Variants in SORL1 observed in about 807,000 individuals in gnomAD.
SORL1 encodes sortilin-related receptor.
In SORL1, 127 loss-of-function variants were observed where a neutral mutation model predicts 273.7. The ratio of observed to expected loss-of-function variants is 0.46; its 90% CI spans 0.40 to 0.54. The LOEUF (loss-of-function observed/expected upper bound fraction) is 0.54. Among genes scored for constraint, SORL1 ranks in the 20% least tolerant of loss-of-function variants. The pLI is 0.00. For synonymous variants in SORL1, 1,031 were observed against 1,067.4 expected, an observed-to-expected ratio of 0.97 and a Z score of 0.66; for missense variants, 2,494 against 2,846.1, an observed-to-expected ratio of 0.88 and a Z score of 2.81.
intron 43 of SORL1, 43 bp from the exon 44 acceptor site, chr11:121,621,021 T>C: frequency 6.9e-7 from 1 of 1,442,898 alleles, no homozygotes; most frequent in Non-Finnish European, 9.6e-7. Flanking sequence ...GTGAAAAATG[T>C]CAACTTTCTG....
chr11:121,506,375 A>G (rs1348231837), intron 6 of SORL1, among the ~76,000 whole-genome samples: 2 of 152,230 alleles, frequency 1.3e-5, no homozygotes, highest in Non-Finnish European at 2.9e-5. Flanking sequence ...TTACAGTTCC[A>G]TGTGGCTGGG....
intron 31 of SORL1, among the ~76,000 whole-genome samples, chr11:121,594,068 C>T (rs1391335161): frequency 6.6e-6 from 1 of 151,104 alleles, no homozygotes; most frequent in Non-Finnish European, 1.5e-5. Flanking sequence ...TTTTGTTCCA[C>T]TGCCTTCAAG....
At chr11:121,566,884 A>T in intron 21 of SORL1, 56 bp from the exon 22 acceptor site, 1 of 1,513,168 alleles carries the variant, frequency 6.6e-7, no homozygotes, top group Non-Finnish European at 9.0e-7. Context: ...TCTTGTATTC[A>T]GTACCTCCCT....
chr11:121,460,631 C>G (rs1054748005), intron 1 of SORL1, among the ~76,000 whole-genome samples: 1 of 151,994 alleles, frequency 6.6e-6, no homozygotes, highest in African/African-American at 2.4e-5. Flanking sequence ...CTCCTGACCT[C>G]GTGATTCACC....
chr11:121,503,539 A>G (rs1408482810), intron 6 of SORL1, among the ~76,000 whole-genome samples: 2 of 151,662 alleles, frequency 1.3e-5, no homozygotes, highest in Non-Finnish European at 2.9e-5. Context: ...CCTAGGCTGG[A>G]ATATAGTGGC....
intron 1 of SORL1, among the ~76,000 whole-genome samples, chr11:121,456,009 A>AT (rs397975941): frequency 3.3e-5 from 5 of 151,014 alleles, no homozygotes; most frequent in Non-Finnish European, 7.4e-5. Flanking sequence ...AAAAAAAAAA[A>AT]GGCAAAGTTT....
Position 121,550,091 on chromosome 11 carries a change from A to T in SORL1, c.2180+3A>T. 6.2e-7 allele frequency: 1 copy of T among 1,612,342 alleles called. No homozygotes were observed. The highest frequency in any genetic ancestry group is 8.5e-7 in the Non-Finnish European group (1 of 1,179,084). On this transcript the variant is annotated splice_donor_region_variant and intron_variant, in intron 15 of 47. Coordinates refer to ENST00000260197, the MANE Select transcript of SORL1 (RefSeq NM_003105.6). This position sits in a 1 kb window ranked among gnomAD's most constrained non-coding sequence, Gnocchi z 5.3. ...TCTACTTACAGGAGAACGAGAGGGT[A>T]TGTATCACAGAGGTTGCCCTGTCAG...
chr11:121,625,352 A>G, intron 46 of SORL1, 75 bp downstream of exon 46: 3 of 1,218,732 alleles, frequency 2.5e-6, no homozygotes, highest in Non-Finnish European at 3.5e-6. Context: ...TTTCATGACC[A>G]TGTGTCTTTC....
At position 121,614,946 on chromosome 11, in the gene SORL1, C is replaced by A. The variant is rs1277540869; in HGVS notation, c.5495C>A (p.Ala1832Glu). The change falls in exon 41 of 48, where the codon GCA (alanine) becomes GAA (glutamate). Residue 1832 changes from alanine (A) to glutamate (E), a missense_variant. Transcript: ENST00000260197. ...ACTGACTTGGGGGATAGCCCTCTGG[C>A]ATTTGAGCATGTTATGACCAGAGGG... ...AKTDLGDSPL[A>E]FEHVMTRGVR... The A allele has an allele frequency of 6.2e-7, 1 of 1,613,596 alleles. No individual in the cohort carries two copies. Among genetic ancestry groups the A allele is most frequent in the Non-Finnish European group, 8.5e-7 (1 of 1,179,800 alleles).
rs12799188 is a variant in SORL1 at position 121,595,632 on chromosome 11, C to A, written c.4379C>A (p.Thr1460Asn). The A allele has an allele frequency of 1.2e-6, 2 of 1,601,748 alleles. No individual in the cohort carries two copies. The highest frequency in any genetic ancestry group is 1.7e-6 in the Non-Finnish European group (2 of 1,173,918). Residue 1460 changes from threonine (T) to asparagine (N), a missense_variant, in exon 32 of 48, where the codon ACT (threonine) becomes AAT (asparagine). Around this residue, in one of 3 missense-constraint regions of SORL1, gnomAD observed 1,609 missense variants for 1,816.4 expected, o/e 0.89. Transcript: ENST00000260197. The surrounding 1 kb of genome is among the most constrained non-coding windows in gnomAD (Gnocchi z 5.1). ...AAATCTTTTATTTTAGCAAACGTCA[C>A]TGCTGCCTCCACTCCCACCCAACTT... Reference protein sequence around the residue: ...EEACPLLANVTAASTPTQLGR... With the variant: ...EEACPLLANVNAASTPTQLGR...
intron 31 of SORL1, among the ~76,000 whole-genome samples, chr11:121,594,553 A>G (rs1054073204): frequency 2.0e-5 from 3 of 151,454 alleles, no homozygotes; most frequent in East Asian, 1.9e-4. Context: ...CATTTTTACC[A>G]CTGTCCCTTT....
intron 38 of SORL1, chr11:121,609,794 T>A (rs928944250): frequency 3.3e-5 from 5 of 152,242 alleles, no homozygotes; most frequent in African/African-American, 7.2e-5. Flanking sequence ...TGAGCACTTC[T>A]TATACACTAA....
intron 2 of SORL1, among the ~76,000 whole-genome samples, chr11:121,471,252 G>A (rs1861162683): frequency 6.6e-6 from 1 of 152,238 alleles, no homozygotes; most frequent in Non-Finnish European, 1.5e-5. Flanking sequence ...TGGTTGCCGT[G>A]CAGGATGCTG....
chr11:121,558,428 G>A (rs912711493), intron 19 of SORL1, among the ~76,000 whole-genome samples, 163 bp from the exon 20 acceptor site: 4 of 152,124 alleles, frequency 2.6e-5, no homozygotes, highest in African/African-American at 7.2e-5. Flanking sequence ...CCAGGTGAAG[G>A]AATTTAAGTA....
chr11:121,613,819 G>T (rs1166000349), intron 40 of SORL1, among the ~76,000 whole-genome samples: 1 of 152,216 alleles, frequency 6.6e-6, no homozygotes, highest in Non-Finnish European at 1.5e-5. Flanking sequence ...TGTTGCCCCA[G>T]TAGAAACTGG....
intron 32 of SORL1, among the ~76,000 whole-genome samples, chr11:121,599,501 G>A (rs1349243116): frequency 6.6e-6 from 1 of 152,160 alleles, no homozygotes; most frequent in African/African-American, 2.4e-5. Context: ...CTGAGATCGG[G>A]CCATTGCACT....
chr11:121,513,225 G>GGTCTCTA, intron 7 of SORL1, 121 bp downstream of exon 7: 7 of 752,580 alleles, frequency 9.3e-6, no homozygotes, highest in Non-Finnish European at 1.7e-5. Flanking sequence ...CCTGAAGTCA[G>GGTCTCTA]GTCTCTAGAG....
At chr11:121,545,127 C>T (rs1011926536) in intron 13 of SORL1, 116 bp from the exon 14 acceptor site, 22 of 873,552 alleles carry the variant, frequency 2.5e-5, no homozygotes, top group African/African-American at 2.5e-4. Context: ...TGTGTGCTTG[C>T]GGGGTGGCAA....
Position 121,574,223 on chromosome 11 carries a change from C to A in SORL1, c.3338-18C>A. On this transcript the variant is annotated intron_variant, in intron 23 of 47. Transcript: ENST00000260197. ...CAATTGTACCTAAGGAATATGTTGT[C>A]TTTCTATCCCATTTTAGCTACCACC... The A allele has an allele frequency of 6.2e-7, 1 of 1,612,974 alleles. No individual in the cohort carries two copies. The highest frequency in any genetic ancestry group is 8.5e-7 in the Non-Finnish European group (1 of 1,179,156).
Sources: allele counts gnomAD v4.1 joint callset (sites outside exome capture counted in the v4.1 genomes callset), GRCh38; gene constraint gnomAD v4.1.1; regional missense constraint gnomAD v4.1.1; non-coding constraint Gnocchi (gnomAD v3.1); transcripts MANE v1.5; gene names NCBI Gene and HGNC (gene_info 2026-07-23, HGNC 2026-07-21).